CDH12: variants seen among roughly 807,000 people sequenced by gnomAD.
CDH12 encodes cadherin-12.
Under a neutral mutation model 74.1 loss-of-function variants are expected in CDH12, and 41 were observed. The ratio of observed to expected loss-of-function variants is 0.55; its 90% CI spans 0.43 to 0.72. The LOEUF (loss-of-function observed/expected upper bound fraction) is 0.72. Ranked by LOEUF, CDH12 falls within the 30% of genes least tolerant of loss-of-function variation. CDH12 has a pLI of 0.00. For synonymous variants in CDH12, 399 were observed against 355.0 expected (o/e 1.12, Z -1.39); for missense variants, 945 against 977.2 (o/e 0.97, Z 0.44).
At chr5:22,102,634 C>A (rs905294376) in intron 4 of CDH12, among the ~76,000 whole-genome samples, 41 of 151,680 alleles carry the variant, frequency 2.7e-4, no homozygotes, top group African/African-American at 9.0e-4. Flanking sequence ...TGCATTCCAG[C>A]CTGGGGGACA....
intron 5 of CDH12, among the ~76,000 whole-genome samples, chr5:22,068,307 G>A (rs1181013058): frequency 6.6e-6 from 1 of 152,082 alleles, no homozygotes; most frequent in African/African-American, 2.4e-5. Flanking sequence ...GCCTCATCAC[G>A]TGCTCCCTAT....
At chr5:22,735,530 T>C (rs1316562516) in intron 1 of CDH12, among the ~76,000 whole-genome samples, 1 of 151,928 alleles carries the variant, frequency 6.6e-6, no homozygotes, top group Non-Finnish European at 1.5e-5. Context: ...TTAAAGTATA[T>C]AAATCCACCC....
intron 5 of CDH12, among the ~76,000 whole-genome samples, chr5:22,055,243 C>T (rs757653469): frequency 1.2e-4 from 19 of 152,238 alleles, no homozygotes; most frequent in Middle Eastern, 3.4e-3. Context: ...GCAAAGAAGA[C>T]TTTTTCATGA....
At chr5:22,747,882 T>G (rs1745375780) in intron 1 of CDH12, among the ~76,000 whole-genome samples, 1 of 152,200 alleles carries the variant, frequency 6.6e-6, no homozygotes, top group Non-Finnish European at 1.5e-5. Flanking sequence ...GAATAGGGTG[T>G]GCTTGCACTT....
intron 3 of CDH12, among the ~76,000 whole-genome samples, chr5:22,298,261 T>C (rs1463369822): frequency 6.6e-6 from 1 of 151,654 alleles, no homozygotes; most frequent in Non-Finnish European, 1.5e-5. Context: ...TGTGTGTATA[T>C]ATATATAGCA....
chr5:22,790,995 T>A (rs1747877990), intron 1 of CDH12, among the ~76,000 whole-genome samples: 1 of 152,206 alleles, frequency 6.6e-6, no homozygotes, highest in Admixed American at 6.5e-5. Flanking sequence ...CAAATTCTTA[T>A]ATGACCTTGT....
intron 1 of CDH12, among the ~76,000 whole-genome samples, chr5:22,603,629 A>C (rs937441125): frequency 6.6e-6 from 1 of 152,160 alleles, no homozygotes; most frequent in East Asian, 1.9e-4. Flanking sequence ...CAAGGAAAGA[A>C]ATGGTCCAAG....
intron 8 of CDH12, among the ~76,000 whole-genome samples, chr5:21,825,880 A>T (rs1280094617): frequency 6.6e-6 from 1 of 152,198 alleles, no homozygotes; most frequent in African/African-American, 2.4e-5. Flanking sequence ...AATTCTTAGA[A>T]AAGATCTGGA....
At chr5:22,805,775 A>G (rs987547744) in intron 1 of CDH12, among the ~76,000 whole-genome samples, 1 of 152,108 alleles carries the variant, frequency 6.6e-6, no homozygotes, top group African/African-American at 2.4e-5. Context: ...CATCATCTAC[A>G]TTAGGTATTT....
intron 6 of CDH12, among the ~76,000 whole-genome samples, chr5:21,947,874 G>A (rs1300902434): frequency 6.6e-6 from 1 of 152,192 alleles, no homozygotes; most frequent in Non-Finnish European, 1.5e-5. Context: ...TCAGGACTTG[G>A]TGCCCTGTGT....
intron 6 of CDH12, among the ~76,000 whole-genome samples, chr5:21,934,545 C>A (rs1177935709): frequency 1.3e-5 from 2 of 152,046 alleles, no homozygotes; most frequent in East Asian, 3.9e-4. Flanking sequence ...TTAATAAATT[C>A]TTCTGTTAAA....
rs6894794 is a variant in CDH12 at position 22,754,694 on chromosome 5, A to G, written c.-523+98364T>C. The stretch of plus-strand genomic sequence containing the variant: ...AGATGGGAAAGTGACGGAGCAATAC[A>G]TGAGTCTGTAATGAGTGGTAAGATT... On this transcript the variant is annotated intron_variant, in intron 1 of 14. Coordinates refer to ENST00000382254, the MANE Select transcript of CDH12 (RefSeq NM_004061.5). Among the ~76,000 whole-genome samples the G allele has an allele frequency of 4.5e-3, 690 of 152,246 alleles. 3 individuals carry two copies. The highest frequency in any genetic ancestry group is 0.016 in the African/African-American group (664 of 41,546).
At chr5:22,049,919 T>G (rs1740236957) in intron 5 of CDH12, among the ~76,000 whole-genome samples, 1 of 152,122 alleles carries the variant, frequency 6.6e-6, no homozygotes, top group Admixed American at 6.6e-5. Flanking sequence ...AGTGAAATCG[T>G]GGTAATTTCC....
At chr5:22,211,317 A>G (rs1005365380) in intron 4 of CDH12, among the ~76,000 whole-genome samples, 1 of 152,174 alleles carries the variant, frequency 6.6e-6, no homozygotes, top group Admixed American at 6.5e-5. Context: ...ATTGTTAAAA[A>G]TCAACCTGTT....
At chr5:22,076,156 A>G (rs1244180045) in intron 5 of CDH12, among the ~76,000 whole-genome samples, 1 of 152,126 alleles carries the variant, frequency 6.6e-6, no homozygotes, top group Non-Finnish European at 1.5e-5. Flanking sequence ...GGAGCCCTGT[A>G]CCAGCGGAAA....
At chr5:22,480,684 G>A (rs933364851) in intron 2 of CDH12, among the ~76,000 whole-genome samples, 1 of 152,018 alleles carries the variant, frequency 6.6e-6, no homozygotes, top group Admixed American at 6.6e-5. Context: ...AGAAGTGCAT[G>A]AGCTTTTCCT....
chr5:22,492,357 T>TA (rs1746910127), intron 2 of CDH12, among the ~76,000 whole-genome samples: 7 of 151,858 alleles, frequency 4.6e-5, no homozygotes, highest in Admixed American at 2.6e-4. Flanking sequence ...AATGTTTTTT[T>TA]TTTTTTTTGA....
At chr5:22,147,888 C>T (rs755657785) in intron 4 of CDH12, among the ~76,000 whole-genome samples, 73 of 152,108 alleles carry the variant, frequency 4.8e-4, no homozygotes, top group Non-Finnish European at 8.5e-4. Context: ...GGGGACACAG[C>T]CAAGCTGTAT....
At chr5:22,077,641 A>AT (rs1044146405) in intron 5 of CDH12, among the ~76,000 whole-genome samples, 9 of 151,576 alleles carry the variant, frequency 5.9e-5, no homozygotes, top group African/African-American at 1.9e-4. Context: ...TTTTGGGGAA[A>AT]TTTTTTTTTG....
Sources: allele counts gnomAD v4.1 joint callset (sites outside exome capture counted in the v4.1 genomes callset), GRCh38; gene constraint gnomAD v4.1.1; transcripts MANE v1.5; gene names NCBI Gene and HGNC (gene_info 2026-07-23, HGNC 2026-07-21).